Variants in NT5C2 observed in about 807,000 individuals in gnomAD.
NT5C2 encodes the protein 5'-nucleotidase, cytosolic II.
NT5C2 carries 58 observed loss-of-function variants against 76.1 expected under a neutral mutation model. The ratio of observed to expected loss-of-function variants is 0.76; its 90% CI spans 0.62 to 0.95. The LOEUF (loss-of-function observed/expected upper bound fraction) is 0.95. Among genes scored for constraint, NT5C2 ranks in the 40% least tolerant of loss-of-function variants. The pLI is 0.00. For synonymous variants in NT5C2, 229 were observed against 237.4 expected, an observed-to-expected ratio of 0.96 and a Z score of 0.32; for missense variants, 478 against 690.3, an observed-to-expected ratio of 0.69 and a Z score of 3.45.
intron 9 of NT5C2, among the ~76,000 whole-genome samples, chr10:103,099,635 C>T (rs1323748837): frequency 6.6e-6 from 1 of 151,878 alleles, no homozygotes; most frequent in Non-Finnish European, 1.5e-5. Flanking sequence ...CCACTGTCAT[C>T]CACAAAGGAT....
intron 2 of NT5C2, among the ~76,000 whole-genome samples, chr10:103,177,599 G>A (rs1256301161): frequency 6.6e-6 from 1 of 151,280 alleles, no homozygotes; most frequent in Admixed American, 6.6e-5. Context: ...ATAGCTCACT[G>A]TAACCCTGAA....
chr10:103,190,870 A>T (rs148824135), intron 1 of NT5C2, among the ~76,000 whole-genome samples: 1 of 152,230 alleles, frequency 6.6e-6, no homozygotes, highest in Non-Finnish European at 1.5e-5. Flanking sequence ...CACATTAGAG[A>T]GCATCTACTA....
chr10:103,133,153 A>G (rs1421448688), intron 4 of NT5C2, among the ~76,000 whole-genome samples: 1 of 152,068 alleles, frequency 6.6e-6, no homozygotes, highest in Non-Finnish European at 1.5e-5. Context: ...TAAAAAGGGG[A>G]ATTTCCCTGC....
chr10:103,130,127 G>A (rs1025426799), intron 4 of NT5C2, among the ~76,000 whole-genome samples: 6 of 151,798 alleles, frequency 4.0e-5, no homozygotes, highest in Non-Finnish European at 7.4e-5. Flanking sequence ...GGAAAGGTGG[G>A]GAAAAGATTG....
intron 4 of NT5C2, among the ~76,000 whole-genome samples, chr10:103,134,045 T>A (rs1261388905): frequency 6.6e-6 from 1 of 152,096 alleles, no homozygotes; most frequent in Non-Finnish European, 1.5e-5. Flanking sequence ...TTGGATGCTG[T>A]TAAAGTCATT....
rs376222887 is a variant in NT5C2 at position 103,178,569 on chromosome 10, A to G, written c.-25+2616T>C. ...AGTGACAGAGGAAGACCTGTGGCTC[A>G]TGCCTGTAATCCCAGCACTTTGGGA... On this transcript the variant is annotated intron_variant, in intron 2 of 18. Transcript: ENST00000404739. 8.5e-5 allele frequency among the ~76,000 whole-genome samples: 13 copies of G among 152,228 alleles called. No homozygotes were observed. In the East Asian group the frequency reaches 1.2e-3, roughly 14 times the overall value.
intron 3 of NT5C2, among the ~76,000 whole-genome samples, chr10:103,145,083 T>C (rs1434090314): frequency 1.3e-5 from 2 of 152,194 alleles, no homozygotes; most frequent in Non-Finnish European, 2.9e-5. Context: ...GTTGTATGAA[T>C]AGCTGAAGTG....
At chr10:103,137,464 G>A (rs140052326) in intron 4 of NT5C2, among the ~76,000 whole-genome samples, 29 of 152,274 alleles carry the variant, frequency 1.9e-4, no homozygotes, top group Middle Eastern at 3.4e-3. Flanking sequence ...AATCATGACC[G>A]TATCTATGTA....
intron 4 of NT5C2, among the ~76,000 whole-genome samples, chr10:103,122,140 C>T (rs745815459): frequency 3.3e-5 from 5 of 152,226 alleles, no homozygotes; most frequent in Non-Finnish European, 5.9e-5. Flanking sequence ...CCCCACTGCA[C>T]TCCCACCTAG....
At chr10:103,177,150 T>C (rs555157340) in intron 2 of NT5C2, among the ~76,000 whole-genome samples, 5 of 152,304 alleles carry the variant, frequency 3.3e-5, no homozygotes, top group African/African-American at 1.2e-4. Flanking sequence ...GCAATAAATA[T>C]TTGATTTCTA....
chr10:103,134,266 C>A (rs1000774497), intron 4 of NT5C2, among the ~76,000 whole-genome samples: 1 of 152,082 alleles, frequency 6.6e-6, no homozygotes, highest in Admixed American at 6.5e-5. Flanking sequence ...CCACCACAGG[C>A]CAGGAGGCCT....
chr10:103,107,450 A>G (rs575494797), intron 4 of NT5C2, among the ~76,000 whole-genome samples: 2 of 152,120 alleles, frequency 1.3e-5, no homozygotes, highest in Admixed American at 1.3e-4. Flanking sequence ...CGAGGCGGGC[A>G]GATCACTTGA....
chr10:103,124,211 ATT>A (rs5787481), intron 4 of NT5C2, among the ~76,000 whole-genome samples: 48 of 149,044 alleles, frequency 3.2e-4, no homozygotes, highest in African/African-American at 5.6e-4. Flanking sequence ...GTCATAAAGA[ATT>A]TTTTTTTTTT....
At chr10:103,173,344 G>A (rs1041348419) in intron 3 of NT5C2, among the ~76,000 whole-genome samples, 6 of 151,978 alleles carry the variant, frequency 3.9e-5, no homozygotes, top group South Asian at 2.1e-4. Context: ...TTGGCCAGGC[G>A]CGGTGGCTCA....
intron 3 of NT5C2, chr10:103,153,766 G>A: frequency 1.0e-6 from 1 of 980,110 alleles, no homozygotes; most frequent in Non-Finnish European, 1.2e-6. Flanking sequence ...AAAAAACACA[G>A]GATAAATAAT....
chr10:103,129,458 C>T (rs2077503387), intron 4 of NT5C2, among the ~76,000 whole-genome samples: 1 of 114,130 alleles, frequency 8.8e-6, no homozygotes, highest in African/African-American at 3.3e-5. Flanking sequence ...GCCAGCCACC[C>T]CGTCCGGGAG....
Position 103,089,574 on chromosome 10 carries a change from CT to C in NT5C2, c.*97del. 1 of 1,429,298 alleles carries C rather than the reference CT, an allele frequency of 7.0e-7. No homozygotes were observed. The allele number at this position is 1,429,298 out of a possible 1,614,324, so 88.5% of individuals were successfully genotyped here. On this transcript the variant is annotated 3_prime_UTR_variant, in exon 19 of 19. Transcript: ENST00000404739. ...TCAGACGTACCTTTCATGGAGCCCC[CT>C]CCCTCCCCCGAGTAGAACCCTAACA...
At chr10:103,168,959 T>C (rs2087091419) in intron 3 of NT5C2, among the ~76,000 whole-genome samples, 1 of 152,198 alleles carries the variant, frequency 6.6e-6, no homozygotes, top group Admixed American at 6.5e-5. Flanking sequence ...CAGAATATTC[T>C]ACAAATTGAC....
chr10:103,122,290 C>T (rs1370314464), intron 4 of NT5C2, among the ~76,000 whole-genome samples: 1 of 152,116 alleles, frequency 6.6e-6, no homozygotes, highest in Non-Finnish European at 1.5e-5. Flanking sequence ...TGTGTTTTAA[C>T]ACAGTTTCTA....
Sources: allele counts gnomAD v4.1 joint callset (sites outside exome capture counted in the v4.1 genomes callset), GRCh38; gene constraint gnomAD v4.1.1; transcripts MANE v1.5; gene names NCBI Gene and HGNC (gene_info 2026-07-23, HGNC 2026-07-21).